Variants in PLG observed in about 807,000 individuals in gnomAD.
PLG encodes plasmin.
Under a neutral mutation model 104.4 loss-of-function variants are expected in PLG, and 41 were observed. That is an observed-to-expected ratio of 0.39 (90% CI 0.31 to 0.51). PLG has a LOEUF of 0.51. Among genes scored for constraint, PLG ranks in the 20% least tolerant of loss-of-function variants. The probability of loss-of-function intolerance (pLI) is 0.76; values close to 1 mark genes in which losing one functional copy is unlikely to be tolerated. For synonymous variants in PLG, 337 were observed against 357.1 expected (o/e 0.94, Z 0.63); for missense variants, 891 against 1,003.6 (o/e 0.89, Z 1.52).
chr6:160,718,255 A>T (rs533426083), intron 7 of PLG, 39 bp from the exon 8 acceptor site: 143 of 1,576,184 alleles, frequency 9.1e-5, no homozygotes, highest in African/African-American at 1.2e-4. Context: ...CGTCTCAAAA[A>T]ATATATATAT....
At chr6:160,716,563 T>C (rs1777735334) in intron 6 of PLG, 82 bp from the exon 7 acceptor site, 2 of 856,842 alleles carry the variant, frequency 2.3e-6, no homozygotes, top group Admixed American at 1.7e-5. Flanking sequence ...ACACAGCAGG[T>C]GCTCAATGTT....
rs202043260 is a variant in PLG, at chr6:160,737,815, CTTTAT to C, written c.1803-717_1803-713del. On this transcript the variant is annotated intron_variant, in intron 14 of 18. Transcript: ENST00000308192. This position sits in a 1 kb window ranked among gnomAD's most constrained non-coding sequence, Gnocchi z 4.7. ...TCACTCTGCTGTTGAGTCGATTTTT[CTTTAT>C]TTTATCATTTAGTAACTCCTTGCTC... 8.5e-3 allele frequency among the ~76,000 whole-genome samples: 1,292 copies of C among 151,538 alleles called. 15 individuals carry two copies. Among genetic ancestry groups the C allele is most frequent in the African/African-American group, 0.03 (1,251 of 41,424 alleles).
In PLG at chr6:160,733,992, C is replaced by T. The variant is rs193059713; in HGVS notation, c.1588-3C>T. 9.5e-4 allele frequency: 1,510 copies of T among 1,583,448 alleles called. 16 individuals are homozygous for T. The highest frequency in any genetic ancestry group is 1.7e-3 in the East Asian group (76 of 44,568). On this transcript the variant is annotated splice_polypyrimidine_tract_variant and splice_region_variant and intron_variant, in intron 12 of 18. Coordinates refer to ENST00000308192, the MANE Select transcript of PLG (RefSeq NM_000301.5). ...TGGAGCTTACATGCCTTCTTGTTTT[C>T]AGTACTGCCGTAACCCTGATGGTGA...
intron 3 of PLG, among the ~76,000 whole-genome samples, chr6:160,708,820 G>A (rs557811452): frequency 5.9e-5 from 9 of 152,160 alleles, no homozygotes; most frequent in East Asian, 5.8e-4. Flanking sequence ...TTAGCTGTAC[G>A]CATTGTACTT....
At chr6:160,728,563 A>T (rs1419013445) in intron 10 of PLG, among the ~76,000 whole-genome samples, 2 of 152,136 alleles carry the variant, frequency 1.3e-5, no homozygotes, top group Admixed American at 1.3e-4. Context: ...AAGTATACAG[A>T]TATAGAAATG....
chr6:160,721,938 G>C (rs976295398), intron 9 of PLG, among the ~76,000 whole-genome samples: 1 of 152,170 alleles, frequency 6.6e-6, no homozygotes, highest in African/African-American at 2.4e-5. Flanking sequence ...ATCTTTGCCT[G>C]CAGTCCTAGA....
In PLG at chr6:160,723,020, CAT is replaced by C. The variant is rs1254370389; in HGVS notation, c.1256+460_1256+461del. ...ATATAAGTATGAATATATATACACA[CAT>C]ATATATGTATACATATGTGTGCATA... On this transcript the variant is annotated intron_variant, in intron 10 of 18. Coordinates refer to ENST00000308192, the MANE Select transcript of PLG (RefSeq NM_000301.5). This position sits in a 1 kb window ranked among gnomAD's most constrained non-coding sequence, Gnocchi z 4.7. Among the ~76,000 whole-genome samples, 1 of 148,208 alleles carries C rather than the reference CAT, an allele frequency of 6.7e-6. No individual in the cohort carries two copies. Among genetic ancestry groups the C allele is most frequent in the Non-Finnish European group, 1.5e-5 (1 of 67,776 alleles).
chr6:160,745,660 A>G (rs1225026300), intron 17 of PLG, among the ~76,000 whole-genome samples: 1 of 152,054 alleles, frequency 6.6e-6, no homozygotes, highest in Non-Finnish European at 1.5e-5. Context: ...CAAGGTTAGT[A>G]TTGCTATGTG....
chr6:160,712,836 A>G, intron 4 of PLG, 150 bp from the exon 5 acceptor site: 1 of 688,654 alleles, frequency 1.5e-6, no homozygotes, highest in South Asian at 1.7e-5. Context: ...AGAGAAATTG[A>G]AAATCTGACC....
chr6:160,730,134 G>A (rs1777975955), intron 10 of PLG, among the ~76,000 whole-genome samples: 2 of 152,196 alleles, frequency 1.3e-5, no homozygotes, highest in South Asian at 4.1e-4. Context: ...GAGGCATGAG[G>A]GGGAGCACAT....
chr6:160,711,261 G>C, intron 4 of PLG, 70 bp downstream of exon 4: 3 of 1,412,388 alleles, frequency 2.1e-6, no homozygotes, highest in Non-Finnish European at 3.0e-6. Context: ...TGAGGGATTG[G>C]TTCCAGGACC....
intron 3 of PLG, 90 bp downstream of exon 3, chr6:160,707,896 A>G: frequency 9.4e-7 from 1 of 1,059,954 alleles, no homozygotes; most frequent in Middle Eastern, 3.0e-4. Context: ...TTATAAGACC[A>G]GAGGAGGAAG....
At chr6:160,748,597 C>T (rs988592863) in intron 17 of PLG, among the ~76,000 whole-genome samples, 11 of 152,014 alleles carry the variant, frequency 7.2e-5, no homozygotes, top group Admixed American at 1.3e-4. Flanking sequence ...CTAAGAAGTC[C>T]ATCATGGCAG....
At chr6:160,704,284 G>A (rs1777478326) in intron 1 of PLG, among the ~76,000 whole-genome samples, 1 of 152,192 alleles carries the variant, frequency 6.6e-6, no homozygotes, top group African/African-American at 2.4e-5. Flanking sequence ...ATTCTGTTTT[G>A]GGATATTTCC....
chr6:160,714,689 G>T, intron 5 of PLG, 105 bp from the exon 6 acceptor site: 1 of 1,067,032 alleles, frequency 9.4e-7, no homozygotes. Flanking sequence ...GGAATGAGAG[G>T]CAAGTCGCAC....
chr6:160,726,833 A>G lies in PLG; in HGVS notation c.1257-4218A>G, dbSNP rs1777928978. Among the ~76,000 whole-genome samples the G allele has an allele frequency of 6.6e-6, 1 of 152,058 alleles. No individual in the cohort carries two copies. Among genetic ancestry groups the G allele is most frequent in the East Asian group, 1.9e-4 (1 of 5,200 alleles). On this transcript the variant is annotated intron_variant, in intron 10 of 18. Coordinates refer to ENST00000308192, the MANE Select transcript of PLG (RefSeq NM_000301.5). The surrounding 1 kb of genome is among the most constrained non-coding windows in gnomAD (Gnocchi z 4.4). ...TAAGAGTTAAAGGGGTCTTAAGACCAAAAACTTTGAGAACTGTTGATTTAA... is the reference window on the plus strand; with the variant it reads ...TAAGAGTTAAAGGGGTCTTAAGACCGAAAACTTTGAGAACTGTTGATTTAA...
In PLG at chr6:160,753,180, T is replaced by C; in HGVS notation, c.*119T>C. 1 of 686,398 alleles carries C rather than the reference T, an allele frequency of 1.5e-6. No homozygotes were observed. Among genetic ancestry groups the C allele is most frequent in the Middle Eastern group, 4.0e-4 (1 of 2,498 alleles). 42.5% of individuals were successfully genotyped at this position (686,398 alleles called of 1,614,324 possible). On this transcript the variant is annotated 3_prime_UTR_variant, in exon 19 of 19. Transcript: ENST00000308192. The surrounding 1 kb of genome is among the most constrained non-coding windows in gnomAD (Gnocchi z 5.4). ...GAAGACACTGTCCCCAGCTACCAGC[T>C]ACGCCAAACCTCGGCATTTTTTGTG... is the stretch of plus-strand genomic sequence containing the variant.
intron 17 of PLG, among the ~76,000 whole-genome samples, chr6:160,747,177 G>A (rs1236822976): frequency 1.3e-5 from 2 of 152,216 alleles, no homozygotes; most frequent in African/African-American, 4.8e-5. Context: ...TTAAACAGGG[G>A]ACCTACAACT....
chr6:160,731,158 C>A lies in PLG; in HGVS notation c.1364C>A (p.Ser455Ter). 6.2e-7 allele frequency: 1 copy of A among 1,614,114 alleles called. No homozygotes were observed. The highest frequency in any genetic ancestry group is 8.5e-7 in the Non-Finnish European group (1 of 1,180,004). Residue 455 changes from serine (S) to a stop codon, truncating the protein, a stop_gained, in exon 11 of 19, where the codon TCA becomes TAA. Transcript: ENST00000308192. LOFTEE classifies it high-confidence loss of function. This position sits in a 1 kb window ranked among gnomAD's most constrained non-coding sequence, Gnocchi z 5.1. ...RWEYCNLKKC[S>*]GTEASVVAPP... is the part of the protein sequence containing the mutation. Reference sequence around the variant, plus strand: ...GAGTACTGCAACCTGAAAAAATGCTCAGGAACAGAAGCGAGTGTTGTAGCA... The same window carrying A: ...GAGTACTGCAACCTGAAAAAATGCTAAGGAACAGAAGCGAGTGTTGTAGCA...
Sources: gnomAD v4.1 joint callset for allele counts (sites outside exome capture counted in the v4.1 genomes callset) on GRCh38, gnomAD v4.1.1 for gene constraint, Gnocchi (gnomAD v3.1) non-coding constraint, MANE v1.5 for transcripts, NCBI Gene and HGNC (gene_info 2026-07-23, HGNC 2026-07-21) for gene names.